Variants in ERBB4 observed in about 807,000 individuals in gnomAD.
ERBB4 encodes erb-b2 receptor tyrosine kinase 4.
A neutral mutation model predicts 158.0 loss-of-function variants in ERBB4; 42 were observed. The observed-to-expected ratio is 0.27, with a 90% CI of 0.21 to 0.34. ERBB4 has a LOEUF of 0.34. Ranked by LOEUF, ERBB4 falls within the 10% of genes least tolerant of loss-of-function variation. The probability of loss-of-function intolerance (pLI) is 1.00; values close to 1 mark genes in which losing one functional copy is unlikely to be tolerated. For synonymous variants in ERBB4, 583 were observed against 558.7 expected, an observed-to-expected ratio of 1.04 and a Z score of -0.61; for missense variants, 1,333 against 1,624.1, an observed-to-expected ratio of 0.82 and a Z score of 3.08.
At chr2:212,402,179 A>G (rs1372905007) in intron 1 of ERBB4, among the ~76,000 whole-genome samples, 2 of 152,152 alleles carry the variant, frequency 1.3e-5, no homozygotes, top group African/African-American at 4.8e-5. Flanking sequence ...AACTCAGCAT[A>G]AAAAAGGAAT....
chr2:212,075,086 A>G (rs1439559775), intron 2 of ERBB4, among the ~76,000 whole-genome samples: 7 of 151,952 alleles, frequency 4.6e-5, no homozygotes, highest in Non-Finnish European at 8.8e-5. Context: ...CTTCTCAGCC[A>G]TGATGAAACT....
intron 2 of ERBB4, among the ~76,000 whole-genome samples, chr2:212,058,232 T>G (rs1025057938): frequency 1.3e-5 from 2 of 152,140 alleles, no homozygotes; most frequent in African/African-American, 4.8e-5. Flanking sequence ...CTCCCAAGAC[T>G]AAACCAGGAA....
intron 2 of ERBB4, among the ~76,000 whole-genome samples, chr2:211,950,497 A>G (rs1170908731): frequency 6.6e-6 from 1 of 152,176 alleles, no homozygotes; most frequent in Non-Finnish European, 1.5e-5. Flanking sequence ...AAAATATAAC[A>G]TTTTATTTAG....
intron 20 of ERBB4, among the ~76,000 whole-genome samples, chr2:211,529,960 T>C (rs761292910): frequency 6.6e-6 from 1 of 152,050 alleles, no homozygotes; most frequent in Non-Finnish European, 1.5e-5. Flanking sequence ...ACCCTCACCA[T>C]TGTTATTCAG....
At chr2:212,207,193 C>A (rs577599601) in intron 1 of ERBB4, among the ~76,000 whole-genome samples, 2 of 151,992 alleles carry the variant, frequency 1.3e-5, no homozygotes, top group East Asian at 3.9e-4. Context: ...ATAAAGAAAA[C>A]TTTTTATTAA....
Position 211,428,502 on chromosome 2 carries a change from T to C in ERBB4, c.2644-19A>G. 3 of 1,300,980 alleles carry C rather than the reference T, an allele frequency of 2.3e-6. No individual in the cohort carries two copies. The highest frequency in any genetic ancestry group is 3.3e-6 in the Non-Finnish European group (3 of 896,330). The allele number at this position is 1,300,980 out of a possible 1,614,324, so 80.6% of individuals were successfully genotyped here. A position where few individuals can be genotyped will look rare whatever the true frequency, so the allele number is the denominator to read the frequency against. Reference sequence around the variant, plus strand: ...TTGGCATCTATAGAGAAGTAAGAAGTAAAAGTTTTAAAATTACATTAAAAA... The same window carrying C: ...TTGGCATCTATAGAGAAGTAAGAAGCAAAAGTTTTAAAATTACATTAAAAA... On this transcript the variant is annotated intron_variant, in intron 21 of 27. Transcript: ENST00000342788.
At chr2:211,850,949 T>C (rs1314045961) in intron 3 of ERBB4, among the ~76,000 whole-genome samples, 1 of 151,952 alleles carries the variant, frequency 6.6e-6, no homozygotes, top group Non-Finnish European at 1.5e-5. Context: ...GGCAGCACAT[T>C]TGGACCTTGC....
chr2:212,206,501 T>C (rs1004818741), intron 1 of ERBB4, among the ~76,000 whole-genome samples: 1 of 152,086 alleles, frequency 6.6e-6, no homozygotes, highest in Admixed American at 6.5e-5. Context: ...ATAAATTGAA[T>C]TTTTTAAAGA....
chr2:211,769,762 A>G (rs1296859675), intron 4 of ERBB4, among the ~76,000 whole-genome samples: 1 of 152,236 alleles, frequency 6.6e-6, no homozygotes, highest in Admixed American at 6.5e-5. Flanking sequence ...GAGGGCAGGA[A>G]GCATTCAGTG....
intron 4 of ERBB4, among the ~76,000 whole-genome samples, chr2:211,764,675 C>T (rs1016126200): frequency 6.6e-6 from 1 of 152,116 alleles, no homozygotes; most frequent in Non-Finnish European, 1.5e-5. Context: ...AGCCCATACT[C>T]TTAACCAATA....
chr2:211,882,189 TAATCTTAAAAAA>T (rs2078682239), intron 3 of ERBB4, among the ~76,000 whole-genome samples: 1 of 151,950 alleles, frequency 6.6e-6, no homozygotes, highest in Non-Finnish European at 1.5e-5. Flanking sequence ...ACTTGTTTCC[TAATCTTAAAAAA>T]AATAATAAAA....
chr2:211,834,700 A>G (rs1343077429), intron 3 of ERBB4, among the ~76,000 whole-genome samples: 2 of 152,098 alleles, frequency 1.3e-5, no homozygotes, highest in Non-Finnish European at 2.9e-5. Flanking sequence ...GCCTGGAAAC[A>G]GTAAATCTCA....
At chr2:212,115,352 A>G (rs765342230) in intron 2 of ERBB4, among the ~76,000 whole-genome samples, 5 of 152,174 alleles carry the variant, frequency 3.3e-5, no homozygotes, top group African/African-American at 4.8e-5. Flanking sequence ...GAAAGAAAAC[A>G]AAGTGTTTCA....
At chr2:212,473,743 T>A (rs931856161) in intron 1 of ERBB4, among the ~76,000 whole-genome samples, 1 of 152,114 alleles carries the variant, frequency 6.6e-6, no homozygotes, top group Non-Finnish European at 1.5e-5. Context: ...AGCTTACTGA[T>A]ATTGGAATCT....
intron 1 of ERBB4, among the ~76,000 whole-genome samples, chr2:212,240,661 A>AAAAAAAAAAAAAC (rs1559823252): frequency 6.8e-6 from 1 of 148,046 alleles, no homozygotes; most frequent in Non-Finnish European, 1.5e-5. Flanking sequence ...AAAAAAAAAA[A>AAAAAAAAAAAAAC]AAAAAACAGA....
chr2:211,968,406 T>C (rs1365204706), intron 2 of ERBB4, among the ~76,000 whole-genome samples: 1 of 152,088 alleles, frequency 6.6e-6, no homozygotes, highest in Non-Finnish European at 1.5e-5. Flanking sequence ...GCATATGTTT[T>C]AATGCAGATT....
intron 1 of ERBB4, among the ~76,000 whole-genome samples, chr2:212,516,618 G>A (rs569980726): frequency 6.6e-6 from 1 of 152,254 alleles, no homozygotes; most frequent in African/African-American, 2.4e-5. Flanking sequence ...TTAACACAGT[G>A]AGAAAATAAT....
At chr2:212,308,080 T>A (rs1339265853) in intron 1 of ERBB4, among the ~76,000 whole-genome samples, 2 of 151,054 alleles carry the variant, frequency 1.3e-5, no homozygotes, top group Non-Finnish European at 3.0e-5. Context: ...TATAGAAAAA[T>A]TGATACAGAG....
At chr2:212,495,117 A>T (rs914570624) in intron 1 of ERBB4, among the ~76,000 whole-genome samples, 1 of 152,152 alleles carries the variant, frequency 6.6e-6, no homozygotes, top group African/African-American at 2.4e-5. Context: ...AAGGAAGGAG[A>T]TTCTAGCCCA....
Sources: allele counts gnomAD v4.1 joint callset (sites outside exome capture counted in the v4.1 genomes callset), GRCh38; gene constraint gnomAD v4.1.1; transcripts MANE v1.5; gene names NCBI Gene and HGNC (gene_info 2026-07-23, HGNC 2026-07-21).